Variants in ANGPTL6 observed in about 807,000 individuals in gnomAD.
ANGPTL6 encodes the protein angiopoietin-related protein 6.
A neutral mutation model predicts 47.4 loss-of-function variants in ANGPTL6; 45 were observed. That is an observed-to-expected ratio of 0.95 (90% CI 0.75 to 1.22). The LOEUF (loss-of-function observed/expected upper bound fraction) is 1.22. ANGPTL6 is among the 50% of genes most tolerant of loss of function. ANGPTL6 has a pLI of 0.00. For missense variants in ANGPTL6, 698 were observed against 669.4 expected (o/e 1.04, Z -0.47); for synonymous variants, 290 against 295.9 (o/e 0.98, Z 0.20).
chr19:10,104,537 G>A (rs1568478325), upstream of ANGPTL6, among the ~76,000 whole-genome samples: 1 of 152,052 alleles, frequency 6.6e-6, no homozygotes, highest in Non-Finnish European at 1.5e-5. Flanking sequence ...AGGAATCAGA[G>A]CTTTAACATG....
In ANGPTL6 at chr19:10,096,188, C is replaced by CCCCCGGGCCCG. The variant is rs974829691; in HGVS notation, c.365_375dup (p.Ala126ArgfsTer161). 31 of 1,247,896 alleles carry CCCCCGGGCCCG rather than the reference C, an allele frequency of 2.5e-5. No individual in the cohort carries two copies. Among genetic ancestry groups the CCCCCGGGCCCG allele is most frequent in the Non-Finnish European group, 3.1e-5 (31 of 996,644 alleles). The allele number at this position is 1,247,896 out of a possible 1,614,324, so 77.3% of individuals were successfully genotyped here. ...GCGGCAGGCTCCGCCCCCAGATCCG[C>CCCCCGGGCCCG]CCCCGGGCCCGCCCCGGGCCCCGCC... is the stretch of plus-strand genomic sequence containing the variant. On this transcript the variant is annotated frameshift_variant, in exon 2 of 6. Coordinates refer to ENST00000253109, the MANE Select transcript of ANGPTL6 (RefSeq NM_031917.3). LOFTEE classifies it high-confidence loss of function.
intron 1 of ANGPTL6, 109 bp from the exon 2 acceptor site, chr19:10,096,682 T>G: frequency 1.2e-6 from 1 of 850,622 alleles, no homozygotes; most frequent in Non-Finnish European, 1.7e-6. Context: ...CCCGGGCCCA[T>G]AATTTCAGTC....
Position 10,093,421 on chromosome 19 carries a change from C to G in ANGPTL6, c.1150G>C (p.Ala384Pro), listed in dbSNP as rs1392266442. The change falls in exon 5 of 6, where the codon GCT (alanine) becomes CCT (proline). Residue 384 changes from alanine to proline, a missense_variant. Physicochemically the swap from Ala to Pro is conservative, Grantham distance 27. Transcript: ENST00000253109. ...TTGTGCCAGGAAAGAGAGTCTCCAG[C>G]ATCACCATGGTACTGGCCAAGCCGC... ...RLRLGQYHGD[A>P]GDSLSWHNDK... The G allele has an allele frequency of 6.2e-7, 1 of 1,614,224 alleles. No individual in the cohort carries two copies. The highest frequency in any genetic ancestry group is 2.2e-5 in the East Asian group (1 of 44,884).
chr19:10,099,952 C>G (rs1247502676), intron 1 of ANGPTL6, among the ~76,000 whole-genome samples: 1 of 149,950 alleles, frequency 6.7e-6, no homozygotes, highest in African/African-American at 2.4e-5. Context: ...CTCCACCTCC[C>G]GGGTTCAAGT....
rs890762646 is a variant in ANGPTL6, at chr19:10,096,344, C to G, written c.220G>C (p.Glu74Gln). The change falls in exon 2 of 6, where the codon GAG becomes CAG. Residue 74 changes from glutamate to glutamine, a missense_variant. By Grantham distance (29) the Glu-to-Gln change is conservative. Transcript: ENST00000253109. Reference sequence around the variant, plus strand: ...AGCCTCTGCAGCTCGCGTAACAGCTCCTCGTGGCGGCCGACGCGCATGCGC... The same window carrying G: ...AGCCTCTGCAGCTCGCGTAACAGCTGCTCGTGGCGGCCGACGCGCATGCGC... ...ALRMRVGRHE[E>Q]LLRELQRLAA... is the part of the protein sequence containing the mutation. 5.4e-6 allele frequency: 7 copies of G among 1,287,558 alleles called. No individual in the cohort carries two copies. Among genetic ancestry groups the G allele is most frequent in the Non-Finnish European group, 6.8e-6 (7 of 1,022,540 alleles). The allele number at this position is 1,287,558 out of a possible 1,614,324, so 79.8% of individuals were successfully genotyped here.
chr19:10,103,355 C>T (rs572011271), upstream of ANGPTL6, among the ~76,000 whole-genome samples: 6 of 151,826 alleles, frequency 4.0e-5, no homozygotes, highest in South Asian at 2.1e-4. Context: ...TTTGGGAGGC[C>T]GGGGCAGGTG....
chr19:10,104,305 GTT>G (rs1599298363), upstream of ANGPTL6, among the ~76,000 whole-genome samples: 26 of 84,850 alleles, frequency 3.1e-4, no homozygotes, highest in South Asian at 5.3e-3. Flanking sequence ...TTTTTGTTTT[GTT>G]TGTGTGTGTG....
upstream of ANGPTL6, chr19:10,102,719 C>G (rs779303052): frequency 3.5e-4 from 346 of 984,684 alleles, 7 homozygotes; most frequent in Non-Finnish European, 4.0e-4. Context: ...CACTCCCCAG[C>G]CCCCAGAGCC....
rs2088456279 is a variant in ANGPTL6 at position 10,093,714 on chromosome 19, G to A, written c.930C>T (p.Phe310=). ...QRRQDGSVNF[F]TTWQHYKAGF... ...CCACCTTATAGTGCTGCCAGGTAGT[G>A]AAGAAGTTGACTGAACCATCTTGCC... Residue 310 remains phenylalanine (F), a synonymous_variant, in exon 4 of 6, where the codon TTC becomes TTT. Transcript: ENST00000253109. The A allele has an allele frequency of 1.2e-6, 2 of 1,614,230 alleles. No individual in the cohort carries two copies. The highest frequency in any genetic ancestry group is 1.1e-5 in the South Asian group (1 of 91,084).
intron 1 of ANGPTL6, among the ~76,000 whole-genome samples, chr19:10,100,590 C>T (rs528898712): frequency 4.6e-5 from 7 of 152,308 alleles, no homozygotes; most frequent in Admixed American, 3.9e-4. Context: ...GTCTCCATCT[C>T]ACACACACAT....
In ANGPTL6 at chr19:10,098,212, C is replaced by T. The variant is rs1364817448; in HGVS notation, c.-10-1639G>A. On this transcript the variant is annotated intron_variant, in intron 1 of 5. Coordinates refer to ENST00000253109, the MANE Select transcript of ANGPTL6 (RefSeq NM_031917.3). ...TTTTAAACTATTTTGTAAATCTGGG[C>T]TCAGTGGCTCACACCTGTAATCCCA... 4.6e-5 allele frequency among the ~76,000 whole-genome samples: 7 copies of T among 151,962 alleles called. 1 individual carries two copies. The East Asian group carries it at 1.4e-3, about 30-fold the overall frequency.
chr19:10,102,119 A>G (rs980870064), intron 1 of ANGPTL6, among the ~76,000 whole-genome samples: 1 of 148,580 alleles, frequency 6.7e-6, no homozygotes, highest in Non-Finnish European at 1.5e-5. Context: ...CTGTCTCAAA[A>G]AAAAAAAAAA....
upstream of ANGPTL6, chr19:10,102,858 G>T: frequency 1.2e-6 from 1 of 825,298 alleles, no homozygotes; most frequent in Non-Finnish European, 1.5e-6. Flanking sequence ...ACACAGGTCA[G>T]TGTCCTGGAC....
chr19:10,097,454 A>G (rs1394759267), intron 1 of ANGPTL6, among the ~76,000 whole-genome samples: 4 of 152,142 alleles, frequency 2.6e-5, no homozygotes, highest in African/African-American at 9.7e-5. Context: ...CTGGGAATAC[A>G]TTTAGGAACA....
At chr19:10,100,543 A>G (rs921455036) in intron 1 of ANGPTL6, among the ~76,000 whole-genome samples, 1 of 152,090 alleles carries the variant, frequency 6.6e-6, no homozygotes, top group Non-Finnish European at 1.5e-5. Flanking sequence ...CCCTAAACCT[A>G]TGCTTCCTGA....
At chr19:10,102,769 TATAA>T, upstream of ANGPTL6, 1 of 984,382 alleles carries the variant, frequency 1.0e-6, no homozygotes, top group Non-Finnish European at 1.2e-6. Flanking sequence ...GAGCCCAAAC[TATAA>T]ATATTTAGCA....
At position 10,093,511 on chromosome 19, in the gene ANGPTL6, C is replaced by A. The variant is rs779222736; in HGVS notation, c.1060G>T (p.Gly354Cys). Reference sequence around the variant, plus strand: ...TCATAGTGGGCACGTGCTCCACGGCCCCCCCAGTCCTCCAGGAGAACCAGC... The same window carrying A: ...TCATAGTGGGCACGTGCTCCACGGCACCCCCAGTCCTCCAGGAGAACCAGC... ...ELLVLLEDWGGRGARAHYDGF... is the reference protein window; with the variant it reads ...ELLVLLEDWGCRGARAHYDGF... The change falls in exon 5 of 6, where the codon GGC becomes TGC. Residue 354 changes from glycine (G) to cysteine (C), a missense_variant. By Grantham distance (159) the Gly-to-Cys change is radical (BLOSUM62 -3). Coordinates refer to ENST00000253109, the MANE Select transcript of ANGPTL6 (RefSeq NM_031917.3). 4 of 1,614,086 alleles carry A rather than the reference C, an allele frequency of 2.5e-6. No homozygotes were observed. The African/African-American group carries it at 4.0e-5, about 16-fold the overall frequency.
At chr19:10,094,501 C>T (rs534366895) in intron 3 of ANGPTL6, 63 of 527,196 alleles carry the variant, frequency 1.2e-4, no homozygotes, top group Non-Finnish European at 2.0e-4. Context: ...TAATATAAGT[C>T]CTGAATATGA....
chr19:10,096,703 TC>T (rs1568471893), intron 1 of ANGPTL6, 130 bp from the exon 2 acceptor site: 3 of 682,454 alleles, frequency 4.4e-6, no homozygotes, highest in Non-Finnish European at 6.8e-6. Context: ...CCCATCTCAT[TC>T]CCCCCACGGC....
Sources: allele counts gnomAD v4.1 joint callset (sites outside exome capture counted in the v4.1 genomes callset), GRCh38; gene constraint gnomAD v4.1.1; transcripts MANE v1.5; gene names NCBI Gene and HGNC (gene_info 2026-07-23, HGNC 2026-07-21).